The following AIM2 variants were observed in gnomAD, a reference collection of about 807,000 sequenced individuals.
AIM2 encodes the protein absent in melanoma 2.
A neutral mutation model predicts 27.7 loss-of-function variants in AIM2; 30 were observed. The observed-to-expected ratio is 1.08, with a 90% CI of 0.81 to 1.47. The LOEUF (loss-of-function observed/expected upper bound fraction) is 1.47. Ranked by LOEUF, AIM2 falls within the 40% of genes most tolerant of loss-of-function variation. The pLI is 0.00. For missense variants in AIM2, 358 were observed against 411.3 expected (o/e 0.87, Z 1.12); for synonymous variants, 141 against 145.3 (o/e 0.97, Z 0.21).
rs1657539027 is a variant in AIM2, at chr1:159,110,357, G to GA, written c.-16+30073dup. Among the ~76,000 whole-genome samples the GA allele has an allele frequency of 2.6e-5, 4 of 152,248 alleles. No individual in the cohort carries two copies. In the South Asian group the frequency reaches 8.3e-4, roughly 32 times the overall value. On this transcript the variant is annotated intron_variant, in intron 1 of 2. Coordinates refer to the AIM2 transcript ENST00000368129. ...GCCATCCTATGGCATCTCATTTTGA[G>GA]AAAAAAATCTGAGCTATCACCAAAC...
intron 1 of AIM2, among the ~76,000 whole-genome samples, chr1:159,113,595 A>G (rs1647249919): frequency 6.6e-6 from 1 of 152,226 alleles, no homozygotes; most frequent in Non-Finnish European, 1.5e-5. Context: ...TTTCTGGAAT[A>G]TAGTCAATAC....
chr1:159,082,344 T>C (rs1162037127), intron 1 of AIM2, among the ~76,000 whole-genome samples: 1 of 152,218 alleles, frequency 6.6e-6, no homozygotes, highest in East Asian at 1.9e-4. Context: ...AAAAATACTA[T>C]AGACTAAGTG....
At chr1:159,119,986 T>C (rs556482978) in intron 1 of AIM2, among the ~76,000 whole-genome samples, 1 of 152,282 alleles carries the variant, frequency 6.6e-6, no homozygotes, top group South Asian at 2.1e-4. Flanking sequence ...AGATCATGTG[T>C]AGCATTATGT....
At position 159,115,068 on chromosome 1, in the gene AIM2, G is replaced by A. The variant is rs1045161659; in HGVS notation, c.-16+25363C>T. ...ACAAACAGAGAGCCAAACCATGAGT[G>A]AACTCCCATTCACAATTGCTTCAAA... is the stretch of plus-strand genomic sequence containing the variant. On this transcript the variant is annotated intron_variant, in intron 1 of 2. Transcript: ENST00000368129. Among the ~76,000 whole-genome samples the A allele has an allele frequency of 4.6e-4, 70 of 152,256 alleles. 1 individual carries two copies. The highest frequency in any genetic ancestry group is 1.7e-3 in the African/African-American group (69 of 41,536).
chr1:159,078,984 C>T (rs550343819), upstream of AIM2, among the ~76,000 whole-genome samples: 59 of 152,134 alleles, frequency 3.9e-4, no homozygotes, highest in South Asian at 8.3e-4. Context: ...ACCAGGCCAA[C>T]GCAAAAAGAA....
At chr1:159,139,159 C>T (rs1166087501) in intron 1 of AIM2, among the ~76,000 whole-genome samples, 3 of 152,148 alleles carry the variant, frequency 2.0e-5, no homozygotes, top group Admixed American at 1.3e-4. Flanking sequence ...GCTTCTAGTT[C>T]CCTTGAGTGG....
Position 159,062,575 on chromosome 1 carries a change from G to A in AIM2, c.*117C>T, listed in dbSNP as rs901520168. 3 of 894,072 alleles carry A rather than the reference G, an allele frequency of 3.4e-6. No individual in the cohort carries two copies. Among genetic ancestry groups the A allele is most frequent in the African/African-American group, 3.4e-5 (2 of 58,782 alleles). The allele number at this position is 894,072 out of a possible 1,614,324, so 55.4% of individuals were successfully genotyped here. A position where few individuals can be genotyped will look rare whatever the true frequency, so the allele number is the denominator to read the frequency against. ...TTCTATCCTAATTTGGTGGAGAGAGGAGCCTGTGAACTGCAGCTTTCAGGT... is the reference window on the plus strand; with the variant it reads ...TTCTATCCTAATTTGGTGGAGAGAGAAGCCTGTGAACTGCAGCTTTCAGGT... On this transcript the variant is annotated 3_prime_UTR_variant, in exon 6 of 6. Coordinates refer to ENST00000368130, the MANE Select transcript of AIM2 (RefSeq NM_004833.3).
rs750340497 is a variant in AIM2, at chr1:159,063,647, A to C, written c.844T>G (p.Phe282Val). The change falls in exon 5 of 6, where the codon TTT (phenylalanine) becomes GTT (valine). Residue 282 changes from phenylalanine to valine, a missense_variant. Physicochemically the swap from Phe to Val is conservative, Grantham distance 50. Coordinates refer to ENST00000368130, the MANE Select transcript of AIM2 (RefSeq NM_004833.3). ...KVTEKKKNIL[F>V]DLSDNTGKME... The stretch of plus-strand genomic sequence containing the variant: ...TTCCCAGTGTTGTCACTTAGGTCAA[A>C]TAATATGTTTTTCTTCTTTTCTGTT... 6 of 1,612,678 alleles carry C rather than the reference A, an allele frequency of 3.7e-6. No homozygotes were observed. In the African/African-American group the frequency reaches 8.0e-5, roughly 22 times the overall value.
intron 4 of AIM2, 102 bp downstream of exon 4, chr1:159,065,808 C>T (rs1437800296): frequency 4.9e-6 from 6 of 1,230,618 alleles, no homozygotes; most frequent in East Asian, 2.5e-5. Context: ...TTTATTTTGT[C>T]TATATAGAAA....
intron 2 of AIM2, among the ~76,000 whole-genome samples, chr1:159,072,993 TG>T (rs1368416776): frequency 6.6e-6 from 1 of 152,178 alleles, no homozygotes; most frequent in Non-Finnish European, 1.5e-5. Context: ...AGATGTTAAA[TG>T]GAAGTGGTAA....
At chr1:159,123,976 T>C (rs540219589) in intron 1 of AIM2, among the ~76,000 whole-genome samples, 1 of 152,240 alleles carries the variant, frequency 6.6e-6, no homozygotes, top group African/African-American at 2.4e-5. Flanking sequence ...CTGCCTCATT[T>C]ACTCCACTTT....
At chr1:159,110,198 T>C (rs974439100) in intron 1 of AIM2, among the ~76,000 whole-genome samples, 2 of 152,274 alleles carry the variant, frequency 1.3e-5, no homozygotes, top group Admixed American at 6.5e-5. Flanking sequence ...GACTGTAGTA[T>C]ATATACACAA....
upstream of AIM2, among the ~76,000 whole-genome samples, chr1:159,144,787 G>A (rs1648173643): frequency 6.6e-6 from 1 of 152,092 alleles, no homozygotes; most frequent in Non-Finnish European, 1.5e-5. Flanking sequence ...TATGATAAAT[G>A]CCCTTCAAAT....
In AIM2 at chr1:159,109,335, C is replaced by T. The variant is rs560693179; in HGVS notation, c.-16+31096G>A. ...AGGACACCCTATTCAACAAATGGTACTGGGCTAATTGGCTAGCCACATGTA... is the reference window on the plus strand; with the variant it reads ...AGGACACCCTATTCAACAAATGGTATTGGGCTAATTGGCTAGCCACATGTA... On this transcript the variant is annotated intron_variant, in intron 1 of 2. Coordinates refer to the AIM2 transcript ENST00000368129. 3.9e-5 allele frequency among the ~76,000 whole-genome samples: 6 copies of T among 152,326 alleles called. No homozygotes were observed. In the East Asian group the frequency reaches 7.7e-4, roughly 20 times the overall value.
intron 1 of AIM2, among the ~76,000 whole-genome samples, chr1:159,084,572 G>A (rs189500077): frequency 8.8e-4 from 133 of 151,696 alleles, no homozygotes; most frequent in Non-Finnish European, 1.5e-3. Context: ...AGGAGTTCAA[G>A]TCCAGCCTGA....
intron 1 of AIM2, among the ~76,000 whole-genome samples, chr1:159,086,344 T>C (rs1656910804): frequency 6.6e-6 from 1 of 152,244 alleles, no homozygotes; most frequent in African/African-American, 2.4e-5. Context: ...TCTCTCCTCT[T>C]TCCACCTCAT....
At chr1:159,107,831 G>A (rs1557907093) in intron 1 of AIM2, among the ~76,000 whole-genome samples, 1 of 152,080 alleles carries the variant, frequency 6.6e-6, no homozygotes, top group East Asian at 1.9e-4. Flanking sequence ...CTGGAAAGAT[G>A]TAACTCTCCT....
chr1:159,078,422 T>C (rs551227732), upstream of AIM2, among the ~76,000 whole-genome samples: 10 of 152,154 alleles, frequency 6.6e-5, no homozygotes, highest in Non-Finnish European at 1.2e-4. Context: ...GAGAACAATA[T>C]GTAAGAATTA....
intron 1 of AIM2, among the ~76,000 whole-genome samples, chr1:159,119,664 A>T (rs1474806557): frequency 6.6e-6 from 1 of 152,170 alleles, no homozygotes; most frequent in African/African-American, 2.4e-5. Context: ...GTATTTTAGA[A>T]AACAATAACC....
Sources: gnomAD v4.1 joint callset for allele counts (sites outside exome capture counted in the v4.1 genomes callset) on GRCh38, gnomAD v4.1.1 for gene constraint, MANE v1.5 for transcripts, NCBI Gene and HGNC (gene_info 2026-07-23, HGNC 2026-07-21) for gene names.